The following KCNIP4 variants were observed in gnomAD, a reference collection of about 807,000 sequenced individuals.
KCNIP4 encodes the protein potassium voltage-gated channel interacting protein 4, also known as Kv channel-interacting protein 4.
Under a neutral mutation model 34.0 loss-of-function variants are expected in KCNIP4, and 12 were observed. That is an observed-to-expected ratio of 0.35 (90% CI 0.23 to 0.57). The LOEUF (loss-of-function observed/expected upper bound fraction) is 0.57. Among genes scored for constraint, KCNIP4 ranks in the 20% least tolerant of loss-of-function variants. The pLI is 0.83. For missense variants in KCNIP4, 238 were observed against 311.7 expected, an observed-to-expected ratio of 0.76 and a Z score of 1.78; for synonymous variants, 124 against 102.2, an observed-to-expected ratio of 1.21 and a Z score of -1.29.
intron 1 of KCNIP4, among the ~76,000 whole-genome samples, chr4:21,686,934 G>C (rs895560858): frequency 1.3e-5 from 2 of 149,364 alleles, no homozygotes; most frequent in Admixed American, 6.8e-5. Flanking sequence ...GTCCAACAAT[G>C]ATAGACTGGA....
rs747961833 is a variant in KCNIP4, at chr4:21,323,144, G to GTATATATATATA, written c.62-440447_62-440436dup. On this transcript the variant is annotated intron_variant, in intron 1 of 8. Coordinates refer to ENST00000382152, the MANE Select transcript of KCNIP4 (RefSeq NM_025221.6). ...CTGAAAAATGGCATCTCTTTTGTAA[G>GTATATATATATA]TATATATATATATATATATGTATAT... 4.2e-3 allele frequency among the ~76,000 whole-genome samples: 326 copies of GTATATATATATA among 77,832 alleles called. 4 individuals carry two copies. The highest frequency in any genetic ancestry group is 0.017 in the African/African-American group (309 of 18,004). The allele number at this position is 77,832 out of a possible 152,430, so 51.1% of individuals were successfully genotyped here.
At chr4:20,744,559 T>C (rs1254738040) in intron 5 of KCNIP4, among the ~76,000 whole-genome samples, 1 of 151,828 alleles carries the variant, frequency 6.6e-6, no homozygotes, top group Admixed American at 6.6e-5. Flanking sequence ...TAGGTGGGAA[T>C]TGAAAAATGA....
chr4:20,920,420 T>C (rs1014634939), intron 1 of KCNIP4, among the ~76,000 whole-genome samples: 3 of 152,236 alleles, frequency 2.0e-5, no homozygotes, highest in African/African-American at 7.2e-5. Flanking sequence ...TGAAAGGCTT[T>C]CATTTCCATC....
chr4:21,869,304 C>T (rs1468193442), intron 1 of KCNIP4, among the ~76,000 whole-genome samples: 1 of 152,144 alleles, frequency 6.6e-6, no homozygotes, highest in African/African-American at 2.4e-5. Flanking sequence ...ATGGAGAACT[C>T]CTTTTCCTTT....
chr4:21,399,797 C>T (rs1487749803), intron 1 of KCNIP4, among the ~76,000 whole-genome samples: 4 of 152,168 alleles, frequency 2.6e-5, no homozygotes, highest in Non-Finnish European at 4.4e-5. Flanking sequence ...GCGGTATAAA[C>T]ATTTCCTATG....
chr4:21,133,095 T>G (rs1293212333), intron 1 of KCNIP4, among the ~76,000 whole-genome samples: 5 of 152,154 alleles, frequency 3.3e-5, no homozygotes, highest in African/African-American at 4.8e-5. Context: ...AATTGCCTCA[T>G]TGCTAATGAT....
chr4:21,344,310 T>G (rs1298548734), intron 1 of KCNIP4, among the ~76,000 whole-genome samples: 47 of 152,084 alleles, frequency 3.1e-4, no homozygotes, highest in Non-Finnish European at 1.0e-4. Flanking sequence ...GCTTGTTCAC[T>G]ATGGGAAAGG....
At chr4:20,949,863 T>G (rs1392169716) in intron 1 of KCNIP4, among the ~76,000 whole-genome samples, 40 of 20,420 alleles carry the variant, frequency 2.0e-3, no homozygotes, top group East Asian at 3.3e-3. Context: ...GGTTGGGGGG[T>G]GGGGGGAGGG....
chr4:21,158,514 T>C (rs1024953108), intron 1 of KCNIP4, among the ~76,000 whole-genome samples: 2 of 152,170 alleles, frequency 1.3e-5, no homozygotes, highest in African/African-American at 4.8e-5. Context: ...TCAGTGTCTG[T>C]AATTTACAAT....
At chr4:20,849,894 C>G (rs554700258) in intron 3 of KCNIP4, among the ~76,000 whole-genome samples, 2 of 152,244 alleles carry the variant, frequency 1.3e-5, no homozygotes, top group South Asian at 4.2e-4. Context: ...CTAGTTTAAC[C>G]CTTAGCACAT....
chr4:21,225,442 C>T (rs1758309693), intron 1 of KCNIP4, among the ~76,000 whole-genome samples: 1 of 151,874 alleles, frequency 6.6e-6, no homozygotes, highest in Non-Finnish European at 1.5e-5. Context: ...TAAGACAATC[C>T]CAATTTATAA....
chr4:21,159,163 G>A (rs1212653997), intron 1 of KCNIP4, among the ~76,000 whole-genome samples: 2 of 151,962 alleles, frequency 1.3e-5, no homozygotes, highest in Admixed American at 1.3e-4. Flanking sequence ...AATTTTAAAA[G>A]AAAAGAAAGA....
intron 1 of KCNIP4, among the ~76,000 whole-genome samples, chr4:21,591,082 A>G (rs1742180194): frequency 6.6e-6 from 1 of 152,020 alleles, no homozygotes; most frequent in African/African-American, 2.4e-5. Context: ...AAAAATTGAC[A>G]ATATTTAACA....
chr4:21,517,126 G>A (rs1734832290), intron 1 of KCNIP4, among the ~76,000 whole-genome samples: 1 of 152,100 alleles, frequency 6.6e-6, no homozygotes, highest in East Asian at 1.9e-4. Context: ...ATGAACAGCT[G>A]AAAAGTCTAA....
intron 3 of KCNIP4, among the ~76,000 whole-genome samples, chr4:20,768,875 C>G (rs958347137): frequency 1.3e-5 from 2 of 152,072 alleles, no homozygotes; most frequent in African/African-American, 4.8e-5. Flanking sequence ...GACCTAGATA[C>G]TATCCTTGGA....
At chr4:21,705,968 C>T (rs1713232126) in intron 1 of KCNIP4, among the ~76,000 whole-genome samples, 1 of 152,052 alleles carries the variant, frequency 6.6e-6, no homozygotes, top group South Asian at 2.1e-4. Context: ...TGCAAGGATC[C>T]CACTGCCTAT....
At chr4:21,757,791 G>A (rs1403595710) in intron 1 of KCNIP4, among the ~76,000 whole-genome samples, 1 of 152,192 alleles carries the variant, frequency 6.6e-6, no homozygotes, top group Non-Finnish European at 1.5e-5. Flanking sequence ...TAGCGATGAA[G>A]CCACATAAAT....
intron 1 of KCNIP4, among the ~76,000 whole-genome samples, chr4:20,890,667 C>G (rs538945432): frequency 6.6e-6 from 1 of 152,116 alleles, no homozygotes; most frequent in Non-Finnish European, 1.5e-5. Flanking sequence ...ATCTAGATGT[C>G]AAACCAAACT....
At chr4:21,783,055 T>A (rs1719670422) in intron 1 of KCNIP4, among the ~76,000 whole-genome samples, 1 of 152,030 alleles carries the variant, frequency 6.6e-6, no homozygotes. Context: ...AATAAAAGGA[T>A]TTTTGTTGAA....
Sources: allele counts gnomAD v4.1 joint callset (sites outside exome capture counted in the v4.1 genomes callset), GRCh38; gene constraint gnomAD v4.1.1; transcripts MANE v1.5; gene names NCBI Gene and HGNC (gene_info 2026-07-23, HGNC 2026-07-21).